Variants in RNF115 observed in about 807,000 individuals in gnomAD.
RNF115 encodes the protein E3 ubiquitin-protein ligase RNF115.
RNF115 carries 31 observed loss-of-function variants against 39.2 expected under a neutral mutation model. That is an observed-to-expected ratio of 0.79 (90% CI 0.59 to 1.07). RNF115 has a LOEUF of 1.07. RNF115 is among the 50% of genes least tolerant of loss of function. The pLI, the probability that RNF115 is intolerant of heterozygous loss-of-function variation, is 0.00. For missense variants in RNF115, 384 were observed against 381.7 expected (o/e 1.01, Z -0.05); for synonymous variants, 124 against 131.0 (o/e 0.95, Z 0.37).
At chr1:145,762,603 T>C (rs782149938) in intron 4 of RNF115, among the ~76,000 whole-genome samples, 7 of 152,144 alleles carry the variant, frequency 4.6e-5, no homozygotes, top group Non-Finnish European at 7.3e-5. Flanking sequence ...TACAAGATTA[T>C]ACATCAAGGT....
At chr1:145,801,032 G>T (rs948161232) in intron 1 of RNF115, among the ~76,000 whole-genome samples, 1 of 152,128 alleles carries the variant, frequency 6.6e-6, no homozygotes, top group Non-Finnish European at 1.5e-5. Context: ...TTAGCTGGGC[G>T]TGGTGTTGGG....
At chr1:145,758,394 G>T (rs1341704692) in intron 4 of RNF115, among the ~76,000 whole-genome samples, 1 of 152,152 alleles carries the variant, frequency 6.6e-6, no homozygotes. Flanking sequence ...GTGTTCGGTT[G>T]ACTGTAGCCA....
intron 5 of RNF115, among the ~76,000 whole-genome samples, chr1:145,752,394 C>T (rs1658118994): frequency 6.6e-6 from 1 of 151,958 alleles, no homozygotes; most frequent in Admixed American, 6.6e-5. Flanking sequence ...CATTCTCTAC[C>T]TCAATACAAC....
intron 1 of RNF115, among the ~76,000 whole-genome samples, chr1:145,819,302 A>G (rs1483226054): frequency 5.5e-5 from 6 of 109,842 alleles, no homozygotes; most frequent in East Asian, 5.5e-4. Context: ...AAAAAAAAAC[A>G]GCCAGGTGTG....
chr1:145,793,842 CTTT>C (rs11304765), intron 1 of RNF115, among the ~76,000 whole-genome samples: 4 of 135,794 alleles, frequency 2.9e-5, no homozygotes, highest in African/African-American at 5.5e-5. Flanking sequence ...TACCCTCTTT[CTTT>C]TTTTTTTTTT....
intron 1 of RNF115, among the ~76,000 whole-genome samples, chr1:145,798,743 C>T (rs1649093027): frequency 6.6e-6 from 1 of 152,116 alleles, no homozygotes; most frequent in Middle Eastern, 3.4e-3. Context: ...ATCTGTAGAT[C>T]GCTTTGGGAA....
At chr1:145,796,953 C>T (rs1172932897) in intron 1 of RNF115, among the ~76,000 whole-genome samples, 2 of 152,158 alleles carry the variant, frequency 1.3e-5, no homozygotes, top group Non-Finnish European at 2.9e-5. Flanking sequence ...GAAATTGACC[C>T]TCCCAGTCTT....
At chr1:145,809,488 A>ATTTTTTTTTTTTTTT (rs781918386) in intron 1 of RNF115, among the ~76,000 whole-genome samples, 1 of 46,344 alleles carries the variant, frequency 2.2e-5, no homozygotes, top group Non-Finnish European at 3.6e-5. Flanking sequence ...GACCCAGCTA[A>ATTTTTTTTTTTTTTT]TTTTTTTTTT....
In RNF115 at chr1:145,743,872, C is replaced by T. The variant is rs1657777094; in HGVS notation, c.*2994G>A. The T allele has an allele frequency of 6.6e-6, 1 of 151,642 alleles. No individual in the cohort carries two copies. The highest frequency in any genetic ancestry group is 2.4e-5 in the African/African-American group (1 of 41,330). The allele number at this position is 151,642 out of a possible 1,614,324, so 9.4% of individuals were successfully genotyped here. A position where few individuals can be genotyped will look rare whatever the true frequency, so the allele number is the denominator to read the frequency against. ...ATCCTAACTCCTCAACATAAATTAACCTGGACATCTGAGGTGCCTGCCATT... is the reference window on the plus strand; with the variant it reads ...ATCCTAACTCCTCAACATAAATTAATCTGGACATCTGAGGTGCCTGCCATT... On this transcript the variant is annotated 3_prime_UTR_variant, in exon 9 of 9. Coordinates refer to ENST00000582693, the MANE Select transcript of RNF115 (RefSeq NM_014455.4).
chr1:145,796,328 T>C (rs1648976113), intron 1 of RNF115, among the ~76,000 whole-genome samples: 1 of 152,212 alleles, frequency 6.6e-6, no homozygotes, highest in African/African-American at 2.4e-5. Context: ...TAAGATTGTT[T>C]ATAAGTTGAT....
intron 1 of RNF115, among the ~76,000 whole-genome samples, chr1:145,789,557 C>T (rs1288951616): frequency 2.7e-5 from 4 of 149,916 alleles, no homozygotes; most frequent in Non-Finnish European, 5.9e-5. Flanking sequence ...CGACAACACG[C>T]CTGGCTAATT....
intron 1 of RNF115, among the ~76,000 whole-genome samples, chr1:145,814,799 AATAC>A (rs1553723231): frequency 6.6e-6 from 1 of 152,176 alleles, no homozygotes. Context: ...TACCTATAAG[AATAC>A]ATATTTATTT....
chr1:145,748,209 A>G, intron 7 of RNF115, 99 bp from the exon 8 acceptor site: 1 of 759,676 alleles, frequency 1.3e-6, no homozygotes. Flanking sequence ...CATAAAGAAA[A>G]GACACAAGAG....
At chr1:145,821,938 T>C (rs1234707590) in intron 1 of RNF115, among the ~76,000 whole-genome samples, 1 of 140,514 alleles carries the variant, frequency 7.1e-6, no homozygotes, top group African/African-American at 2.7e-5. Context: ...GGCTCTGATG[T>C]TGGCTGGAAA....
chr1:145,784,851 G>A (rs1253373355), intron 2 of RNF115, among the ~76,000 whole-genome samples: 2 of 152,106 alleles, frequency 1.3e-5, no homozygotes, highest in South Asian at 2.1e-4. Flanking sequence ...AGAGAAGGAA[G>A]GAGGACCCAC....
At chr1:145,760,057 G>C (rs879979992) in intron 4 of RNF115, among the ~76,000 whole-genome samples, 1 of 152,066 alleles carries the variant, frequency 6.6e-6, no homozygotes, top group Non-Finnish European at 1.5e-5. Context: ...AGCTCCACGA[G>C]GGCAGTCATT....
chr1:145,771,264 G>A, intron 4 of RNF115, among the ~76,000 whole-genome samples: 1 of 152,234 alleles, frequency 6.6e-6, no homozygotes, highest in South Asian at 2.1e-4. Flanking sequence ...GATGAGTGTG[G>A]CACCTTTCTT....
chr1:145,764,011 C>A (rs1559109121), intron 4 of RNF115, among the ~76,000 whole-genome samples: 1 of 151,922 alleles, frequency 6.6e-6, no homozygotes, highest in Non-Finnish European at 1.5e-5. Flanking sequence ...TGCAACCTCC[C>A]TGCCTGATTC....
At chr1:145,777,334 C>T (rs1647932064) in intron 3 of RNF115, among the ~76,000 whole-genome samples, 1 of 152,166 alleles carries the variant, frequency 6.6e-6, no homozygotes, top group African/African-American at 2.4e-5. Context: ...ATTGTTACCA[C>T]ACCTAATAAT....
Sources: gnomAD v4.1 joint callset for allele counts (sites outside exome capture counted in the v4.1 genomes callset) on GRCh38, gnomAD v4.1.1 for gene constraint, MANE v1.5 for transcripts, NCBI Gene and HGNC (gene_info 2026-07-23, HGNC 2026-07-21) for gene names.